Variants in SLC27A1 observed in about 807,000 individuals in gnomAD.
The protein encoded by SLC27A1 is long-chain fatty acid transport protein 1.
A neutral mutation model predicts 62.2 loss-of-function variants in SLC27A1; 61 were observed. The ratio of observed to expected loss-of-function variants is 0.98; its 90% confidence interval spans 0.80 to 1.21. SLC27A1 has a LOEUF of 1.21. SLC27A1 is among the 50% of genes most tolerant of loss of function. The probability of loss-of-function intolerance (pLI) is 0.00; values close to 1 mark genes in which losing one functional copy is unlikely to be tolerated. For synonymous variants in SLC27A1, 435 were observed against 408.6 expected (o/e 1.06, Z -0.78); for missense variants, 903 against 932.1 (o/e 0.97, Z 0.41).
Position 17,487,384 on chromosome 19 carries a change from C to T in SLC27A1, c.724+49C>T, listed in dbSNP as rs1002636595. ...CTCTATCAACTGGTTTCCTACCCGC[C>T]CAGGCCCCGCCCCCAACTTCCAGGC... On this transcript the variant is annotated intron_variant, in intron 3 of 11. Transcript: ENST00000252595. 7 of 1,540,900 alleles carry T rather than the reference C, an allele frequency of 4.5e-6. No individual in the cohort carries two copies. In the African/African-American group the frequency reaches 5.5e-5, roughly 12 times the overall value.
intron 4 of SLC27A1, 30 bp from the exon 5 acceptor site, chr19:17,488,818 C>G: frequency 6.2e-7 from 1 of 1,602,490 alleles, no homozygotes; most frequent in Non-Finnish European, 8.5e-7. Flanking sequence ...GTCCCAGCCT[C>G]TGCCCTCCCG....
In SLC27A1 at chr19:17,470,573, G is replaced by A. The variant is rs2144531706; in HGVS notation, c.33G>A (p.Val11=). 2.5e-6 allele frequency: 4 copies of A among 1,569,890 alleles called. No homozygotes were observed. The highest frequency in any genetic ancestry group is 2.6e-6 in the Non-Finnish European group (3 of 1,166,682). Residue 11 remains valine, a synonymous_variant, in exon 1 of 12, where the codon GTG becomes GTA. Coordinates refer to ENST00000252595, the MANE Select transcript of SLC27A1 (RefSeq NM_198580.3). ...CTCCGGGTGCGGGCGCGGCCTCGGT[G>A]GTCTCGCTGGCGCTGTTGTGGCTGC... is the stretch of plus-strand genomic sequence containing the variant. MRAPGAGAAS[V]VSLALLWLLG... is the part of the protein sequence containing the mutation.
intron 11 of SLC27A1, 58 bp downstream of exon 11, chr19:17,501,477 A>G (rs1034686514): frequency 1.3e-6 from 2 of 1,576,104 alleles, no homozygotes; most frequent in Non-Finnish European, 8.6e-7. Context: ...CTGTTGATTC[A>G]TGTCTTGGTC....
In SLC27A1 at chr19:17,497,456, G is replaced by T. The variant is rs901030806; in HGVS notation, c.1198G>T (p.Asp400Tyr). 1 of 1,607,824 alleles carries T rather than the reference G, an allele frequency of 6.2e-7. No individual in the cohort carries two copies. The highest frequency in any genetic ancestry group is 1.7e-5 in the Admixed American group (1 of 59,382). The change falls in exon 7 of 12, where the codon GAC (aspartate) becomes TAC (tyrosine). Residue 400 changes from aspartate (D) to tyrosine (Y), a missense_variant. Transcript: ENST00000252595. The part of the protein sequence containing the change: ...TECNCSIANM[D>Y]GKVGSCGFNS... ...GTGCAACTGCAGCATTGCCAACATG[G>T]ACGGCAAGGTGCACACCGGCAGGGC...
In SLC27A1 at chr19:17,500,416, C is replaced by T; in HGVS notation, c.1333+12C>T. ...CCCCTGCCAGGCCGGTGAGCAGGGC[C>T]CCCGCATGGTCCCCACCCGGAGCAG... On this transcript the variant is annotated intron_variant, in intron 8 of 11. Coordinates refer to ENST00000252595, the MANE Select transcript of SLC27A1 (RefSeq NM_198580.3). 3 of 1,613,494 alleles carry T rather than the reference C, an allele frequency of 1.9e-6. No individual in the cohort carries two copies. Among genetic ancestry groups the T allele is most frequent in the Non-Finnish European group, 2.5e-6 (3 of 1,179,678 alleles).
intron 6 of SLC27A1, chr19:17,489,656 G>T (rs1412623208): frequency 1.3e-5 from 2 of 154,880 alleles, no homozygotes; most frequent in Non-Finnish European, 2.9e-5. Context: ...GAGACCCTGG[G>T]ATGGGAAGGG....
chr19:17,472,043 A>G (rs2075081496), intron 1 of SLC27A1, among the ~76,000 whole-genome samples: 1 of 152,142 alleles, frequency 6.6e-6, no homozygotes, highest in Non-Finnish European at 1.5e-5. Flanking sequence ...CCCTCTGGGA[A>G]CCTTTGCTGA....
chr19:17,476,211 A>G (rs1026213389), intron 1 of SLC27A1, among the ~76,000 whole-genome samples: 1 of 152,134 alleles, frequency 6.6e-6, no homozygotes, highest in Non-Finnish European at 1.5e-5. Context: ...ATTCACCCAC[A>G]GGAAGCCCTT....
intron 1 of SLC27A1, among the ~76,000 whole-genome samples, chr19:17,472,013 T>A (rs181220189): frequency 6.6e-6 from 1 of 152,300 alleles, no homozygotes; most frequent in East Asian, 1.9e-4. Context: ...ACTGGACCCC[T>A]TTTAGCCAGG....
rs10417922 is a variant in SLC27A1 at position 17,504,800 on chromosome 19, T to C, written c.*188T>C. On this transcript the variant is annotated 3_prime_UTR_variant, in exon 12 of 12. Transcript: ENST00000252595. ...TGCCTCTCTGCTGCCTTGGTGCCCC[T>C]GTGTCTGCCTCCTCTCCCTGCTTTT... 0.13 allele frequency: 94,783 copies of C among 748,950 alleles called. 11,051 individuals are homozygous for C. The highest frequency in any genetic ancestry group is 0.49 in the African/African-American group (28,302 of 58,170). The allele number at this position is 748,950 out of a possible 1,614,324, so 46.4% of individuals were successfully genotyped here.
At chr19:17,491,655 T>C (rs914700202) in intron 6 of SLC27A1, among the ~76,000 whole-genome samples, 13 of 152,122 alleles carry the variant, frequency 8.5e-5, no homozygotes, top group African/African-American at 3.1e-4. Flanking sequence ...GAGGATCGCT[T>C]GAGCCCAAGA....
chr19:17,471,867 G>C (rs2075079922), intron 1 of SLC27A1, among the ~76,000 whole-genome samples: 2 of 152,190 alleles, frequency 1.3e-5, no homozygotes, highest in Admixed American at 1.3e-4. Context: ...ATCCTTGGCA[G>C]AAGGAAGACT....
At chr19:17,471,810 G>A (rs1162274630) in intron 1 of SLC27A1, among the ~76,000 whole-genome samples, 1 of 152,126 alleles carries the variant, frequency 6.6e-6, no homozygotes, top group African/African-American at 2.4e-5. Context: ...GTTCTGATGT[G>A]GAAATCTGAC....
chr19:17,479,642 C>T (rs971451169), intron 1 of SLC27A1, among the ~76,000 whole-genome samples: 3 of 106,396 alleles, frequency 2.8e-5, no homozygotes, highest in Non-Finnish European at 6.1e-5. Flanking sequence ...GTTTCTTTCT[C>T]CCTCTCTCTC....
chr19:17,477,811 T>TGGGATTA, intron 1 of SLC27A1, among the ~76,000 whole-genome samples: 1 of 152,218 alleles, frequency 6.6e-6, no homozygotes, highest in Admixed American at 6.5e-5. Context: ...CACCTCAGCC[T>TGGGATTA]CCCAAAGTGC....
rs547390494 is a variant in SLC27A1, at chr19:17,499,977, G to A, written c.1207-301G>A. Reference sequence around the variant, plus strand: ...CAGGTGAAGCTCTGCAGTGTCTGACGTAGCTGTAGTGTCCACACAGAGGCA... The same window carrying A: ...CAGGTGAAGCTCTGCAGTGTCTGACATAGCTGTAGTGTCCACACAGAGGCA... On this transcript the variant is annotated intron_variant, in intron 7 of 11. Transcript: ENST00000252595. 16 of 395,334 alleles carry A rather than the reference G, an allele frequency of 4.0e-5. No homozygotes were observed. In the Middle Eastern group the frequency reaches 2.2e-3, roughly 53 times the overall value. 24.5% of individuals were successfully genotyped at this position (395,334 alleles called of 1,614,324 possible). A position where few individuals can be genotyped will look rare whatever the true frequency, so the allele number is the denominator to read the frequency against.
chr19:17,504,150 G>A, intron 11 of SLC27A1, among the ~76,000 whole-genome samples: 1 of 152,028 alleles, frequency 6.6e-6, no homozygotes, highest in Non-Finnish European at 1.5e-5. Context: ...GATGTAAGTT[G>A]CTAAACTCTT....
At chr19:17,484,321 C>T (rs1445664538) in intron 1 of SLC27A1, among the ~76,000 whole-genome samples, 1 of 152,034 alleles carries the variant, frequency 6.6e-6, no homozygotes. Flanking sequence ...AGACCAGATG[C>T]GGTGGCCCAC....
intron 1 of SLC27A1, among the ~76,000 whole-genome samples, chr19:17,478,444 GC>G: frequency 7.0e-6 from 1 of 142,348 alleles, no homozygotes; most frequent in East Asian, 2.0e-4. Flanking sequence ...TCCAGCCTGG[GC>G]GACAGAGCAA....
Sources: gnomAD v4.1 joint callset for allele counts (sites outside exome capture counted in the v4.1 genomes callset) on GRCh38, gnomAD v4.1.1 for gene constraint, MANE v1.5 for transcripts, NCBI Gene and HGNC (gene_info 2026-07-23, HGNC 2026-07-21) for gene names.